Variants in MORF4L2 observed in about 807,000 individuals in gnomAD.
MORF4L2 encodes mortality factor 4 like 2.
MORF4L2 carries 1 observed loss-of-function variant against 12.0 expected under a neutral mutation model. That is an observed-to-expected ratio of 0.08 (90% confidence interval 0.03 to 0.40). The LOEUF is 0.40. MORF4L2 is among the 10% of genes least tolerant of loss of function. The pLI is 0.98. For synonymous variants in MORF4L2, 69 were observed against 81.6 expected, an observed-to-expected ratio of 0.85 and a Z score of 0.83; for missense variants, 123 against 214.0, an observed-to-expected ratio of 0.57 and a Z score of 2.65.
rs754743417 is a variant in MORF4L2, at chrX:103,684,234, T to C, written c.-178+937A>G. Reference sequence around the variant, plus strand: ...ACCATATCAGTTACATTCATATCAATTTTCTCTTCTGGATCTTGAAACATT... The same window carrying C: ...ACCATATCAGTTACATTCATATCAACTTTCTCTTCTGGATCTTGAAACATT... On this transcript the variant is annotated intron_variant, in intron 2 of 3. Coordinates refer to ENST00000441076, the MANE Select transcript of MORF4L2 (RefSeq NM_012286.3). Among the ~76,000 whole-genome samples, 3 of 110,939 alleles carry C rather than the reference T, an allele frequency of 2.7e-5. No homozygotes were observed. In the South Asian group the frequency reaches 1.2e-3, roughly 43 times the overall value.
chrX:103,676,891 G>A lies in MORF4L2; in HGVS notation c.137C>T (p.Pro46Leu). Residue 46 changes from proline to leucine, a missense_variant, in exon 4 of 4, where the codon CCA (proline) becomes CTA (leucine). Coordinates refer to ENST00000441076, the MANE Select transcript of MORF4L2 (RefSeq NM_012286.3). Reference protein sequence around the residue: ...GASSGKKTAGPQQKNLEPALP... With the variant: ...GASSGKKTAGLQQKNLEPALP... Reference sequence around the variant, plus strand: ...AGCTGGTTCAAGATTTTTCTGCTGTGGACCAGCTGTCTTCTTTCCTGAGGA... The same window carrying A: ...AGCTGGTTCAAGATTTTTCTGCTGTAGACCAGCTGTCTTCTTTCCTGAGGA... The A allele has an allele frequency of 5.0e-6, 6 of 1,208,668 alleles. No homozygotes were observed. Among genetic ancestry groups the A allele is most frequent in the Non-Finnish European group, 6.7e-6 (6 of 894,911 alleles).
At position 103,676,884 on chromosome X, in the gene MORF4L2, C is replaced by A. The variant is rs749862748; in HGVS notation, c.144G>T (p.Gln48His). 8.3e-7 allele frequency: 1 copy of A among 1,208,890 alleles called. No homozygotes were observed. The highest frequency in any genetic ancestry group is 3.0e-5 in the East Asian group (1 of 33,703). ...SSGKKTAGPQ[Q>H]KNLEPALPGR... Reference sequence around the variant, plus strand: ...CTGGGAGAGCTGGTTCAAGATTTTTCTGCTGTGGACCAGCTGTCTTCTTTC... The same window carrying A: ...CTGGGAGAGCTGGTTCAAGATTTTTATGCTGTGGACCAGCTGTCTTCTTTC... The change falls in exon 4 of 4, where the codon CAG (glutamine) becomes CAT (histidine). Residue 48 changes from glutamine (Q) to histidine (H), a missense_variant. By Grantham distance (24) the Gln-to-His change is conservative (BLOSUM62 0). Coordinates refer to ENST00000441076, the MANE Select transcript of MORF4L2 (RefSeq NM_012286.3).
At chrX:103,679,349 C>CAAAAAAAA (rs35036219) in intron 2 of MORF4L2, among the ~76,000 whole-genome samples, 7 of 63,300 alleles carry the variant, frequency 1.1e-4, no homozygotes, top group Non-Finnish European at 1.8e-4. Context: ...ACTAAAAATA[C>CAAAAAAAA]AAAAAAAAAA....
At position 103,676,123 on chromosome X, in the gene MORF4L2, C is replaced by G. The variant is rs747081595; in HGVS notation, c.*38G>C. 5.3e-6 allele frequency: 6 copies of G among 1,135,840 alleles called. No homozygotes were observed. In the East Asian group the frequency reaches 1.2e-4, roughly 23 times the overall value. The allele number at this position is 1,135,840 out of a possible 1,213,427, so 93.6% of individuals were successfully genotyped here. ...AAAGACTAAGAACAAAAAGTGTTTA[C>G]AGATACAGGACAAAAATGGTGAGCT... On this transcript the variant is annotated 3_prime_UTR_variant, in exon 4 of 4. Transcript: ENST00000441076.
rs769495861 is a variant in MORF4L2 at position 103,676,970 on chromosome X, T to C, written c.58A>G (p.Asn20Asp). ...PRGQQSAEEE[N>D]FKKPTRSNMQ... ...TTGCTTCTAGTTGGTTTTTTGAAGT[T>C]CTCTTCTTCTGCAGATTGCTGTCCA... is the stretch of plus-strand genomic sequence containing the variant. The change falls in exon 4 of 4, where the codon AAC becomes GAC. Residue 20 changes from asparagine (N) to aspartate (D), a missense_variant. Transcript: ENST00000441076. 2.5e-6 allele frequency: 3 copies of C among 1,205,512 alleles called. No homozygotes were observed. The highest frequency in any genetic ancestry group is 1.8e-5 in the South Asian group (1 of 56,321).
intron 2 of MORF4L2, among the ~76,000 whole-genome samples, chrX:103,680,152 C>T (rs1054028031): frequency 8.9e-6 from 1 of 112,373 alleles, no homozygotes; most frequent in Admixed American, 9.4e-5. Context: ...CGTGCCACTG[C>T]ACTCCAGCCT....
Position 103,678,157 on chromosome X carries a change from G to A in MORF4L2, c.-25+342C>T, listed in dbSNP as rs761373522. Among the ~76,000 whole-genome samples, 3 of 110,069 alleles carry A rather than the reference G, an allele frequency of 2.7e-5. No homozygotes were observed. The South Asian group carries it at 1.2e-3, about 42-fold the overall frequency. On this transcript the variant is annotated intron_variant, in intron 3 of 3. Transcript: ENST00000441076. ...GTGAGAAGTAAAAGCCAGAAATGGA[G>A]ATCTGAGAGTAACATCACATAGCTG...
At chrX:103,679,859 GCAAAAA>G (rs1849833612) in intron 2 of MORF4L2, among the ~76,000 whole-genome samples, 1 of 38,714 alleles carries the variant, frequency 2.6e-5, no homozygotes, top group African/African-American at 1.0e-4. Context: ...GCACCTGTGG[GCAAAAA>G]AAAAAAAAAA....
Position 103,675,511 on chromosome X carries a change from T to C in MORF4L2, c.*650A>G, listed in dbSNP as rs1399288692. 4 of 113,209 alleles carry C rather than the reference T, an allele frequency of 3.5e-5. No individual in the cohort carries two copies. The highest frequency in any genetic ancestry group is 2.8e-4 in the Admixed American group (3 of 10,707). The allele number at this position is 113,209 out of a possible 1,213,427, so 9.3% of individuals were successfully genotyped here. On this transcript the variant is annotated 3_prime_UTR_variant, in exon 4 of 4. Coordinates refer to ENST00000441076, the MANE Select transcript of MORF4L2 (RefSeq NM_012286.3). ...ACTACAAATTACTTGCTTTGAAATT[T>C]AGAAACAAATTTTATTTAAGATCTG...
rs1434762454 is a variant in MORF4L2, at chrX:103,683,230, T to G, written c.-178+1941A>C. ...GTAGCTGGGATTATAGGCGCCCACCTGTATTTTTAGTAGAGATGGGGTTTC... is the reference window on the plus strand; with the variant it reads ...GTAGCTGGGATTATAGGCGCCCACCGGTATTTTTAGTAGAGATGGGGTTTC... On this transcript the variant is annotated intron_variant, in intron 2 of 3. Coordinates refer to ENST00000441076, the MANE Select transcript of MORF4L2 (RefSeq NM_012286.3). 1.8e-5 allele frequency among the ~76,000 whole-genome samples: 2 copies of G among 111,473 alleles called. 1 individual carries two copies.
In MORF4L2 at chrX:103,676,019, T is replaced by C; in HGVS notation, c.*142A>G. ...GCTTACACTCCTTTTATTTTCTGTT[T>C]AAAACAGAACGGAAAACAAACTGAA... On this transcript the variant is annotated 3_prime_UTR_variant, in exon 4 of 4. Transcript: ENST00000441076. The C allele has an allele frequency of 4.5e-6, 3 of 673,854 alleles. No homozygotes were observed. The highest frequency in any genetic ancestry group is 7.1e-5 in the Admixed American group (2 of 28,287). 55.5% of individuals were successfully genotyped at this position (673,854 alleles called of 1,213,427 possible).
chrX:103,676,425 T>C lies in MORF4L2; in HGVS notation c.603A>G (p.Lys201=). 1 of 1,211,964 alleles carries C rather than the reference T, an allele frequency of 8.3e-7. No individual in the cohort carries two copies. The highest frequency in any genetic ancestry group is 1.1e-6 in the Non-Finnish European group (1 of 895,608). The change falls in exon 4 of 4, where the codon AAA becomes AAG. Residue 201 remains lysine (K), a synonymous_variant. Transcript: ENST00000441076. The stretch of plus-strand genomic sequence containing the variant: ...TTTCAGCATACTGGGGCCTCTCAAA[T>C]TTGTAGAGCAGCTGAGTGCCCAACA... The part of the protein sequence containing the change: ...NVMLGTQLLY[K]FERPQYAEIL...
In MORF4L2 at chrX:103,678,556, T is replaced by C. The variant is rs1294908092; in HGVS notation, c.-82A>G. ...TAGTGATTTCCCAGATGAAATCTTA[T>C]AGATCTTCTGGGATGGTCTAGAAGG... is the stretch of plus-strand genomic sequence containing the variant. On this transcript the variant is annotated 5_prime_UTR_variant, in exon 3 of 4. Transcript: ENST00000441076. 1.8e-5 allele frequency: 2 copies of C among 111,969 alleles called. No individual in the cohort carries two copies. Among genetic ancestry groups the C allele is most frequent in the Non-Finnish European group, 3.8e-5 (2 of 53,179 alleles). 9.2% of individuals were successfully genotyped at this position (111,969 alleles called of 1,213,427 possible).
Position 103,676,337 on chromosome X carries a change from A to G in MORF4L2, c.691T>C (p.Leu231=). The G allele has an allele frequency of 8.3e-7, 1 of 1,211,333 alleles. No homozygotes were observed. The highest frequency in any genetic ancestry group is 1.8e-5 in the South Asian group (1 of 56,931). Residue 231 remains leucine (L), a synonymous_variant, in exon 4 of 4, where the codon TTA becomes CTA. Transcript: ENST00000441076. ...QVYGAPHLLR[L]FVRIGAMLAY... ...AACATTGCTCCAATTCTTACAAATAATCTCAGTAGGTGTGGTGCTCCATAA... is the reference window on the plus strand; with the variant it reads ...AACATTGCTCCAATTCTTACAAATAGTCTCAGTAGGTGTGGTGCTCCATAA...
In MORF4L2 at chrX:103,676,894, C is replaced by A. The variant is rs2073860483; in HGVS notation, c.134G>T (p.Gly45Val). Residue 45 changes from glycine (G) to valine (V), a missense_variant, in exon 4 of 4, where the codon GGT (glycine) becomes GTT (valine). Physicochemically the swap from Gly to Val is moderately radical, Grantham distance 109 (BLOSUM62 -3). Coordinates refer to ENST00000441076, the MANE Select transcript of MORF4L2 (RefSeq NM_012286.3). ...TGGTTCAAGATTTTTCTGCTGTGGA[C>A]CAGCTGTCTTCTTTCCTGAGGAGGC... Reference protein sequence around the residue: ...RGASSGKKTAGPQQKNLEPAL... With the variant: ...RGASSGKKTAVPQQKNLEPAL... The A allele has an allele frequency of 8.3e-7, 1 of 1,208,959 alleles. No homozygotes were observed. Among genetic ancestry groups the A allele is most frequent in the African/African-American group, 1.8e-5 (1 of 56,909 alleles).
intron 2 of MORF4L2, chrX:103,684,838 G>A (rs183651797): frequency 2.7e-5 from 3 of 112,362 alleles, no homozygotes; most frequent in African/African-American, 3.2e-5. Context: ...GCAGAGCCAG[G>A]ATTTAAATTC....
intron 2 of MORF4L2, among the ~76,000 whole-genome samples, chrX:103,682,785 C>T (rs1204862486): frequency 8.9e-6 from 1 of 112,215 alleles, no homozygotes; most frequent in Admixed American, 9.4e-5. Context: ...TGTATATGTG[C>T]ATACATCTCT....
At position 103,675,674 on chromosome X, in the gene MORF4L2, C is replaced by T. The variant is rs1288773580; in HGVS notation, c.*487G>A. The T allele has an allele frequency of 9.0e-6, 1 of 111,262 alleles. No individual in the cohort carries two copies. The highest frequency in any genetic ancestry group is 1.9e-5 in the Non-Finnish European group (1 of 53,211). 9.2% of individuals were successfully genotyped at this position (111,262 alleles called of 1,213,427 possible). A position where few individuals can be genotyped will look rare whatever the true frequency, so the allele number is the denominator to read the frequency against. On this transcript the variant is annotated 3_prime_UTR_variant, in exon 4 of 4. Coordinates refer to ENST00000441076, the MANE Select transcript of MORF4L2 (RefSeq NM_012286.3). ...AATCACCATCCTTCAACAATTTGAG[C>T]AAAGATAGAATGCCTAAGAACAACA... is the stretch of plus-strand genomic sequence containing the variant.
chrX:103,680,323 G>C (rs2073960949), intron 2 of MORF4L2, among the ~76,000 whole-genome samples: 1 of 112,771 alleles, frequency 8.9e-6, no homozygotes, highest in Non-Finnish European at 1.9e-5. Flanking sequence ...AACTGAAAAA[G>C]CACAAAGCTT....
Sources: allele counts gnomAD v4.1 joint callset (sites outside exome capture counted in the v4.1 genomes callset), GRCh38; gene constraint gnomAD v4.1.1; transcripts MANE v1.5; gene names NCBI Gene and HGNC (gene_info 2026-07-23, HGNC 2026-07-21).